Variants in DMD observed in about 807,000 individuals in gnomAD.
DMD encodes the protein dystrophin, also known as mutant dystrophin.
Under a neutral mutation model 330.1 loss-of-function variants are expected in DMD, and 63 were observed. The ratio of observed to expected loss-of-function variants is 0.19; its 90% confidence interval spans 0.16 to 0.24. The LOEUF (loss-of-function observed/expected upper bound fraction) is 0.24. Ranked by LOEUF, DMD falls within the 10% of genes least tolerant of loss-of-function variation. DMD has a pLI of 1.00. For synonymous variants in DMD, 1,223 were observed against 959.8 expected, an observed-to-expected ratio of 1.27 and a Z score of -5.07; for missense variants, 3,344 against 2,684.1, an observed-to-expected ratio of 1.25 and a Z score of -5.43.
chrX:31,688,687 T>C (rs2082875873), intron 52 of DMD, among the ~76,000 whole-genome samples: 1 of 111,289 alleles, frequency 9.0e-6, no homozygotes. Context: ...TTTAGACAAA[T>C]ATCCCTGATG....
intron 2 of DMD, among the ~76,000 whole-genome samples, chrX:32,878,183 G>C (rs1210965891): frequency 9.0e-6 from 1 of 111,485 alleles, no homozygotes; most frequent in East Asian, 2.8e-4. Context: ...AGACCATCCT[G>C]GCTAACACGG....
intron 54 of DMD, among the ~76,000 whole-genome samples, chrX:31,640,519 T>C (rs191066525): frequency 1.8e-5 from 2 of 112,518 alleles, no homozygotes; most frequent in East Asian, 5.6e-4. Context: ...ATGTGAATAT[T>C]TTTACAAGTT....
At chrX:31,794,137 A>C (rs2091707718) in intron 50 of DMD, among the ~76,000 whole-genome samples, 1 of 112,060 alleles carries the variant, frequency 8.9e-6, no homozygotes, top group African/African-American at 3.2e-5. Context: ...AGTGGTGTTA[A>C]AATTGATTGA....
At chrX:33,008,910 A>G (rs1364408539) in intron 2 of DMD, among the ~76,000 whole-genome samples, 3 of 84,544 alleles carry the variant, frequency 3.5e-5, no homozygotes, top group Admixed American at 1.4e-4. Context: ...ACACATACTC[A>G]TATATGTATA....
At chrX:32,591,110 C>G (rs1420887217) in intron 13 of DMD, among the ~76,000 whole-genome samples, 1 of 109,286 alleles carries the variant, frequency 9.2e-6, no homozygotes, top group Non-Finnish European at 1.9e-5. Flanking sequence ...ATTCTCTCCC[C>G]AGCCTTCCAA....
At chrX:32,187,908 T>A (rs2096954823) in intron 44 of DMD, among the ~76,000 whole-genome samples, 1 of 111,262 alleles carries the variant, frequency 9.0e-6, no homozygotes, top group African/African-American at 3.2e-5. Flanking sequence ...TCAGTAAATG[T>A]TCTATAGGAT....
chrX:32,732,783 A>G lies in DMD; in HGVS notation c.650-33490T>C, dbSNP rs1037796079. On this transcript the variant is annotated intron_variant, in intron 7 of 78. Transcript: ENST00000357033. ...GGAAGCGCTAAACATGGAAAGGAAC[A>G]ACCGGTACCAGCCGCTGCAAAATCA... Among the ~76,000 whole-genome samples the G allele has an allele frequency of 3.6e-5, 4 of 110,347 alleles. No individual in the cohort carries two copies. The Admixed American group carries it at 3.9e-4, about 11-fold the overall frequency.
chrX:33,322,385 TG>T (rs1431968333), intron 1 of DMD, among the ~76,000 whole-genome samples: 4 of 91,896 alleles, frequency 4.4e-5, no homozygotes, highest in Admixed American at 2.6e-4. Flanking sequence ...GAGACAGATG[TG>T]GGGGGGTGGG....
rs186196227 is a variant in DMD, at chrX:32,660,177, G to C, written c.961-15025C>G. ...TCTTTTGCATTTCAGAAAAATAAAA[G>C]TATGAAACCTTTTGATAAGTTTCCA... On this transcript the variant is annotated intron_variant, in intron 9 of 78. Coordinates refer to ENST00000357033, the MANE Select transcript of DMD (RefSeq NM_004006.3). Among the ~76,000 whole-genome samples the C allele has an allele frequency of 3.1e-3, 340 of 110,581 alleles. 2 individuals carry two copies. The highest frequency in any genetic ancestry group is 0.011 in the African/African-American group (330 of 30,539).
chrX:31,395,642 T>G (rs947266725), intron 60 of DMD, among the ~76,000 whole-genome samples: 1 of 112,381 alleles, frequency 8.9e-6, no homozygotes, highest in Non-Finnish European at 1.9e-5. Flanking sequence ...ACACCCTTTT[T>G]GCCTTCTCTT....
In DMD at chrX:31,436,302, T is replaced by G. The variant is rs775308498; in HGVS notation, c.9084+8179A>C. Among the ~76,000 whole-genome samples the G allele has an allele frequency of 3.6e-5, 4 of 112,209 alleles. No individual in the cohort carries two copies. The South Asian group carries it at 1.5e-3, about 41-fold the overall frequency. ...TACTTTATAATGATTTGGGTTCACT[T>G]TATAAAATATCTGAAAATAATAATA... On this transcript the variant is annotated intron_variant, in intron 60 of 78. Coordinates refer to ENST00000357033, the MANE Select transcript of DMD (RefSeq NM_004006.3).
At chrX:32,630,334 T>A (rs5971647) in intron 11 of DMD, among the ~76,000 whole-genome samples, 10,892 of 110,940 alleles carry the variant, frequency 0.098, 1,363 homozygotes, top group African/African-American at 0.34. Flanking sequence ...TTTTTTTTTT[T>A]ATATGATTAC....
At chrX:31,727,584 G>A (rs774656324) in intron 52 of DMD, among the ~76,000 whole-genome samples, 1 of 111,780 alleles carries the variant, frequency 8.9e-6, no homozygotes, top group East Asian at 2.8e-4. Context: ...CTTATGCTCT[G>A]GACACAAAAG....
At chrX:32,223,649 G>A (rs905151212) in intron 43 of DMD, among the ~76,000 whole-genome samples, 3 of 111,511 alleles carry the variant, frequency 2.7e-5, no homozygotes, top group African/African-American at 6.5e-5. Context: ...AAGCAGTAGT[G>A]TAATTTTACA....
At chrX:32,699,415 A>T (rs2063915219) in intron 7 of DMD, 122 bp from the exon 8 acceptor site, 1 of 601,956 alleles carries the variant, frequency 1.7e-6, no homozygotes, top group Admixed American at 2.6e-5. Flanking sequence ...TTGTCCATGA[A>T]TGTCCTCCAG....
rs1297724650 is a variant in DMD, at chrX:31,482,231, GT to G, written c.8548-3129del. ...ATGCAACATGATGGTGTGTGTGTGT[GT>G]GTGTGGGGGGGGTGTTCTGTGCATG... On this transcript the variant is annotated intron_variant, in intron 57 of 78. Transcript: ENST00000357033. Among the ~76,000 whole-genome samples the G allele has an allele frequency of 4.4e-3, 418 of 95,769 alleles. 6 individuals carry two copies. The highest frequency in any genetic ancestry group is 0.018 in the African/African-American group (376 of 20,528). The allele number at this position is 95,769 out of a possible 115,157, so 83.2% of individuals were successfully genotyped here.
At chrX:33,303,954 CTT>C (rs1292448986) in intron 1 of DMD, among the ~76,000 whole-genome samples, 1 of 111,325 alleles carries the variant, frequency 9.0e-6, no homozygotes, top group African/African-American at 3.3e-5. Flanking sequence ...TGTTTCCTCT[CTT>C]AATATAATTT....
intron 54 of DMD, 79 bp from the exon 55 acceptor site, chrX:31,627,941 A>T: frequency 1.0e-6 from 1 of 964,700 alleles, no homozygotes; most frequent in South Asian, 2.1e-5. Context: ...AAAGAGAAAG[A>T]TGGAGGAACT....
At chrX:33,213,236 C>T (rs917641044), upstream of DMD, among the ~76,000 whole-genome samples, 10 of 111,367 alleles carry the variant, frequency 9.0e-5, no homozygotes, top group African/African-American at 2.9e-4. Context: ...AAAGATGTGT[C>T]CTGGGTAATG....
Sources: gnomAD v4.1 joint callset for allele counts (sites outside exome capture counted in the v4.1 genomes callset) on GRCh38, gnomAD v4.1.1 for gene constraint, MANE v1.5 for transcripts, NCBI Gene and HGNC (gene_info 2026-07-23, HGNC 2026-07-21) for gene names.